The following PHF3 variants were observed in gnomAD, a reference collection of about 807,000 sequenced individuals.
PHF3 encodes PHD finger protein 3.
In PHF3, 41 loss-of-function variants were observed where a neutral mutation model predicts 178.4. The ratio of observed to expected loss-of-function variants is 0.23; its 90% CI spans 0.18 to 0.30. The LOEUF (loss-of-function observed/expected upper bound fraction) is 0.30, where lower values mean the gene tolerates loss of function less well. Ranked by LOEUF, PHF3 falls within the 10% of genes least tolerant of loss-of-function variation. The probability of loss-of-function intolerance (pLI) is 1.00; values close to 1 mark genes in which losing one functional copy is unlikely to be tolerated. For synonymous variants in PHF3, 842 were observed against 800.5 expected (o/e 1.05, Z -0.88); for missense variants, 2,346 against 2,398.1 (o/e 0.98, Z 0.45).
chr6:63,705,543 T>C (rs1013022187), intron 11 of PHF3, among the ~76,000 whole-genome samples: 1 of 152,206 alleles, frequency 6.6e-6, no homozygotes, highest in African/African-American at 2.4e-5. Context: ...CTATTAATGC[T>C]TGATGATCTG....
chr6:63,706,612 G>T, intron 12 of PHF3, 117 bp from the exon 13 acceptor site: 1 of 785,402 alleles, frequency 1.3e-6, no homozygotes, highest in South Asian at 1.9e-5. Context: ...TGAACTCTTT[G>T]TCAATAGCCT....
rs201690244 is a variant in PHF3 at position 63,721,242 on chromosome 6, T to C, written c.*7534T>C. The C allele has an allele frequency of 3.2e-4, 500 of 1,551,816 alleles. No homozygotes were observed. Among genetic ancestry groups the C allele is most frequent in the Admixed American group, 6.1e-4 (31 of 50,986 alleles). ...CAGGCAACTGTAAGAAAATGATTGGTCAGGTATACATAAAGATTGGTGGAG... is the reference window on the plus strand; with the variant it reads ...CAGGCAACTGTAAGAAAATGATTGGCCAGGTATACATAAAGATTGGTGGAG... On this transcript the variant is annotated 3_prime_UTR_variant, in exon 16 of 16. Transcript: ENST00000262043.
intron 13 of PHF3, 53 bp downstream of exon 13, chr6:63,706,929 G>A: frequency 6.7e-7 from 1 of 1,492,230 alleles, no homozygotes; most frequent in South Asian, 1.2e-5. Flanking sequence ...GTGTGTTTCT[G>A]AAAGTAATTG....
intron 2 of PHF3, chr6:63,678,683 A>C: frequency 6.9e-6 from 2 of 288,584 alleles, no homozygotes; most frequent in South Asian, 3.4e-5. Flanking sequence ...TTTTCTTCAT[A>C]ATCCATTCTT....
chr6:63,645,545 A>G (rs1454308943), intron 1 of PHF3, among the ~76,000 whole-genome samples: 1 of 152,172 alleles, frequency 6.6e-6, no homozygotes, highest in Non-Finnish European at 1.5e-5. Flanking sequence ...ATTTGGAGCT[A>G]ATCTCAAAAA....
intron 6 of PHF3, among the ~76,000 whole-genome samples, chr6:63,695,907 GACA>G (rs1767210652): frequency 3.3e-5 from 5 of 152,170 alleles, no homozygotes; most frequent in Non-Finnish European, 7.3e-5. Context: ...ATTCCTATTA[GACA>G]TCGAGATGGA....
intron 4 of PHF3, among the ~76,000 whole-genome samples, chr6:63,687,346 C>T (rs1766757396): frequency 6.6e-6 from 1 of 152,182 alleles, no homozygotes; most frequent in South Asian, 2.1e-4. Context: ...ATCACTTGAA[C>T]CTGAGAAATG....
intron 1 of PHF3, chr6:63,636,866 G>T (rs2149531086): frequency 6.6e-6 from 1 of 152,318 alleles, no homozygotes; most frequent in South Asian, 2.1e-4. Context: ...TGACACGGGG[G>T]GCGGGGGCGG....
rs1271292062 is a variant in PHF3 at position 63,721,892 on chromosome 6, A to G, written c.*8184A>G. 54 of 1,187,278 alleles carry G rather than the reference A, an allele frequency of 4.5e-5. No homozygotes were observed. In the East Asian group the frequency reaches 1.3e-3, roughly 29 times the overall value. 73.5% of individuals were successfully genotyped at this position (1,187,278 alleles called of 1,614,324 possible). A position where few individuals can be genotyped will look rare whatever the true frequency, so the allele number is the denominator to read the frequency against. On this transcript the variant is annotated 3_prime_UTR_variant, in exon 16 of 16. Transcript: ENST00000262043. ...TGGCCAAGTTGGATAAGTTTTAGTTATGGGGAAAAAAGTAACAGATCTTGA... is the reference window on the plus strand; with the variant it reads ...TGGCCAAGTTGGATAAGTTTTAGTTGTGGGGAAAAAAGTAACAGATCTTGA...
chr6:63,655,743 CTTG>C (rs1482493241), intron 2 of PHF3, among the ~76,000 whole-genome samples: 3 of 152,056 alleles, frequency 2.0e-5, no homozygotes, highest in Admixed American at 6.6e-5. Flanking sequence ...CGGTTTGTTT[CTTG>C]TTGTTTTATT....
In PHF3 at chr6:63,712,745, A is replaced by G. The variant is rs1582128379; in HGVS notation, c.5157A>G (p.Ala1719=). ...AGCAGAGTGACAATTTAAAAGTTGC[A>G]CAAAACTCACCATCAGTAGAAAACA... The part of the protein sequence containing the change: ...CVQQSDNLKV[A]QNSPSVENIQ... Residue 1719 remains alanine (A), a synonymous_variant, in exon 16 of 16, where the codon GCA becomes GCG. Transcript: ENST00000262043. 5.6e-6 allele frequency: 9 copies of G among 1,613,856 alleles called. No individual in the cohort carries two copies. The highest frequency in any genetic ancestry group is 1.3e-5 in the African/African-American group (1 of 74,908).
chr6:63,653,265 C>G (rs1341569158), intron 2 of PHF3, among the ~76,000 whole-genome samples: 1 of 150,398 alleles, frequency 6.6e-6, no homozygotes, highest in African/African-American at 2.4e-5. Context: ...TGCATTGAAT[C>G]TATACACTGC....
intron 4 of PHF3, 56 bp from the exon 5 acceptor site, chr6:63,691,681 C>A: frequency 7.2e-7 from 1 of 1,383,950 alleles, no homozygotes; most frequent in Non-Finnish European, 9.8e-7. Context: ...TCATTTTTGA[C>A]ATAGATTTTC....
intron 2 of PHF3, among the ~76,000 whole-genome samples, chr6:63,676,283 G>C (rs1766161610): frequency 6.6e-6 from 1 of 152,162 alleles, no homozygotes; most frequent in African/African-American, 2.4e-5. Context: ...AGGAGACAAA[G>C]GTCCTTACCT....
At chr6:63,693,179 C>CTT (rs1156446053) in intron 5 of PHF3, among the ~76,000 whole-genome samples, 1 of 152,158 alleles carries the variant, frequency 6.6e-6, no homozygotes, top group Non-Finnish European at 1.5e-5. Context: ...TATAGCATGT[C>CTT]TTTGGAAAAC....
rs1766564669 is a variant in PHF3, at chr6:63,684,180, C to G, written c.458C>G (p.Ala153Gly). The change falls in exon 4 of 16, where the codon GCA becomes GGA. Residue 153 changes from alanine (A) to glycine (G), a missense_variant. Ala to Gly is a moderately conservative substitution (Grantham distance 60). This residue lies in a region of PHF3 where 843 missense variants were observed against 795.2 expected (regional missense o/e 1.06). Coordinates refer to ENST00000262043, the MANE Select transcript of PHF3 (RefSeq NM_001370348.2). ...ACTATTGCCAAGCGTTCAAATGCAG[C>G]ACCATTAAGTAACACAAAAAAAGCA... Reference protein sequence around the residue: ...QSTIAKRSNAAPLSNTKKASG... With the variant: ...QSTIAKRSNAGPLSNTKKASG... The G allele has an allele frequency of 6.2e-7, 1 of 1,613,376 alleles. No individual in the cohort carries two copies. Among genetic ancestry groups the G allele is most frequent in the Admixed American group, 1.7e-5 (1 of 59,920 alleles).
At position 63,685,092 on chromosome 6, in the gene PHF3, C is replaced by G. The variant is rs200635324; in HGVS notation, c.1370C>G (p.Thr457Ser). 4.3e-6 allele frequency: 7 copies of G among 1,613,792 alleles called. No homozygotes were observed. The highest frequency in any genetic ancestry group is 8.5e-7 in the Non-Finnish European group (1 of 1,179,964). Reference sequence around the variant, plus strand: ...AAACAGTTGAATGCTATAGAAAGTACTAAAATAGAGTCCCATGAAACAGCA... The same window carrying G: ...AAACAGTTGAATGCTATAGAAAGTAGTAAAATAGAGTCCCATGAAACAGCA... ...NSKQLNAIES[T>S]KIESHETANL... The change falls in exon 4 of 16, where the codon ACT becomes AGT. Residue 457 changes from threonine (T) to serine (S), a missense_variant. This residue lies in a region of PHF3 where 843 missense variants were observed against 795.2 expected (regional missense o/e 1.06). Transcript: ENST00000262043.
At position 63,711,900 on chromosome 6, in the gene PHF3, A is replaced by G; in HGVS notation, c.4312A>G (p.Lys1438Glu). 1 of 1,614,056 alleles carries G rather than the reference A, an allele frequency of 6.2e-7. No individual in the cohort carries two copies. The highest frequency in any genetic ancestry group is 8.5e-7 in the Non-Finnish European group (1 of 1,179,948). ...GGAAGTCACCAAACAGGAGCCACCAAAACCTTTAAGATTTCTTCCTGGCGT... is the reference window on the plus strand; with the variant it reads ...GGAAGTCACCAAACAGGAGCCACCAGAACCTTTAAGATTTCTTCCTGGCGT... ...LMEVTKQEPP[K>E]PLRFLPGVLI... is the part of the protein sequence containing the mutation. The change falls in exon 16 of 16, where the codon AAA becomes GAA. Residue 1438 changes from lysine to glutamate, a missense_variant. By Grantham distance (56) the Lys-to-Glu change is moderately conservative. Coordinates refer to ENST00000262043, the MANE Select transcript of PHF3 (RefSeq NM_001370348.2).
At chr6:63,680,754 A>G (rs959499718) in intron 3 of PHF3, among the ~76,000 whole-genome samples, 1 of 152,070 alleles carries the variant, frequency 6.6e-6, no homozygotes, top group South Asian at 2.1e-4. Context: ...CCCTAAAGAT[A>G]TTTGTGTATT....
Sources: gnomAD v4.1 joint callset for allele counts (sites outside exome capture counted in the v4.1 genomes callset) on GRCh38, gnomAD v4.1.1 for gene constraint, gnomAD v4.1.1 regional missense constraint, MANE v1.5 for transcripts, NCBI Gene and HGNC (gene_info 2026-07-23, HGNC 2026-07-21) for gene names.